Variants in FCRL2 observed in about 807,000 individuals in gnomAD.
The protein encoded by FCRL2 is Fc receptor-like protein 2.
FCRL2 carries 48 observed loss-of-function variants against 59.8 expected under a neutral mutation model. The ratio of observed to expected loss-of-function variants is 0.80; its 90% CI spans 0.64 to 1.02. The LOEUF (loss-of-function observed/expected upper bound fraction) is 1.02. Among genes scored for constraint, FCRL2 ranks in the 50% least tolerant of loss-of-function variants. The pLI is 0.00. For missense variants in FCRL2, 658 were observed against 597.3 expected (o/e 1.10, Z -1.06); for synonymous variants, 251 against 229.5 (o/e 1.09, Z -0.85).
Position 157,769,871 on chromosome 1 carries a change from A to G in FCRL2, c.590T>C (p.Val197Ala), listed in dbSNP as rs1649851511. The G allele has an allele frequency of 6.2e-7, 1 of 1,613,762 alleles. No individual in the cohort carries two copies. Among genetic ancestry groups the G allele is most frequent in the Non-Finnish European group, 8.5e-7 (1 of 1,179,718 alleles). ...RKQSLQSQIH[V>A]QRIPISNVSL... ...TCAGCCTCACTGATACTTGCTCTGC[A>G]CGTGAATCTGGGATTGGAGGCTCTG... The change falls in exon 4 of 12, where the codon GTG becomes GCG. Residue 197 changes from valine (V) to alanine (A), a missense_variant. Val to Ala is a moderately conservative substitution (Grantham distance 64, BLOSUM62 0). Coordinates refer to ENST00000361516, the MANE Select transcript of FCRL2 (RefSeq NM_030764.4).
At position 157,746,789 on chromosome 1, in the gene FCRL2, C is replaced by T. The variant is rs56179831; in HGVS notation, c.1489-15G>A. On this transcript the variant is annotated splice_polypyrimidine_tract_variant and intron_variant, in intron 11 of 11. Transcript: ENST00000361516. ...ACTTGGGAGTCCTGGGAGAGACACA[C>T]AGGAATAAAGACTGAGGTGATCAAG... The T allele has an allele frequency of 5.9e-3, 9,588 of 1,613,764 alleles. 467 individuals are homozygous for T. In the African/African-American group the frequency reaches 0.11, roughly 19 times the overall value.
At chr1:157,762,059 G>C (rs1401352792) in intron 7 of FCRL2, among the ~76,000 whole-genome samples, 2 of 152,182 alleles carry the variant, frequency 1.3e-5, no homozygotes, top group African/African-American at 2.4e-5. Context: ...AGCCCACCCA[G>C]CATGGTTTTG....
rs188023391 is a variant in FCRL2, at chr1:157,769,890, G to A, written c.571C>T (p.Leu191Phe). 8 of 1,614,104 alleles carry A rather than the reference G, an allele frequency of 5.0e-6. No individual in the cohort carries two copies. The highest frequency in any genetic ancestry group is 4.0e-5 in the African/African-American group (3 of 75,048). The stretch of plus-strand genomic sequence containing the variant: ...CTCTGCACGTGAATCTGGGATTGGA[G>A]GCTCTGTTTTCTGATCCTGTGAGTC... The part of the protein sequence containing the change: ...TVTHRIRKQS[L>F]QSQIHVQRIP... The change falls in exon 4 of 12, where the codon CTC becomes TTC. Residue 191 changes from leucine to phenylalanine, a missense_variant. Leu to Phe is a conservative substitution (Grantham distance 22). Transcript: ENST00000361516.
intron 7 of FCRL2, among the ~76,000 whole-genome samples, chr1:157,751,915 C>T (rs1648219735): frequency 2.0e-5 from 3 of 152,174 alleles, no homozygotes; most frequent in African/African-American, 7.2e-5. Context: ...GGAGAGTCAG[C>T]TTTTTCAGAG....
chr1:157,776,537 AGGATTACAG>A (rs1357730849), intron 1 of FCRL2, among the ~76,000 whole-genome samples: 1 of 152,112 alleles, frequency 6.6e-6, no homozygotes, highest in African/African-American at 2.4e-5. Flanking sequence ...CCAAAGTGCT[AGGATTACAG>A]GTATGAGCCA....
chr1:157,760,747 GAAAGAAAGAAGA>G (rs890841586), intron 7 of FCRL2, among the ~76,000 whole-genome samples: 1 of 145,798 alleles, frequency 6.9e-6, no homozygotes, highest in Non-Finnish European at 1.5e-5. Context: ...AAGAAAGAAA[GAAAGAAAGAAGA>G]AAGAATGAAA....
Position 157,770,039 on chromosome 1 carries a change from A to G in FCRL2, c.422T>C (p.Leu141Pro). 10 of 1,614,194 alleles carry G rather than the reference A, an allele frequency of 6.2e-6. No homozygotes were observed. The highest frequency in any genetic ancestry group is 8.5e-6 in the Non-Finnish European group (10 of 1,180,034). The change falls in exon 4 of 12, where the codon CTC becomes CCC. Residue 141 changes from leucine (L) to proline (P), a missense_variant. Transcript: ENST00000361516. ...RLSPQRLDVQ[L>P]QFCFFRENQV... is the part of the protein sequence containing the mutation. ...GTTTTCTCTGAAGAAGCAGAACTGG[A>G]GTTGAACATCCAACCTCTGTGGAGA... is the stretch of plus-strand genomic sequence containing the variant.
Position 157,767,431 on chromosome 1 carries a change from C to G in FCRL2, c.962G>C (p.Cys321Ser). ...TGGGGGAGAGCCTCTCAGGGCCTCA[C>G]AGTGAAGCTCCAGCAGGTCCCCCAC... ...AAVGDLLELH[C>S]EALRGSPPIL... The change falls in exon 6 of 12, where the codon TGT (cysteine) becomes TCT (serine). Residue 321 changes from cysteine to serine, a missense_variant. Transcript: ENST00000361516. 2 of 1,614,106 alleles carry G rather than the reference C, an allele frequency of 1.2e-6. 1 individual carries two copies. Among genetic ancestry groups the G allele is most frequent in the Non-Finnish European group, 1.7e-6 (2 of 1,180,040 alleles).
chr1:157,776,416 C>A (rs1650416940), intron 1 of FCRL2, among the ~76,000 whole-genome samples: 1 of 152,106 alleles, frequency 6.6e-6, no homozygotes, highest in African/African-American at 2.4e-5. Context: ...ATTACAGGTG[C>A]CCACCACCAC....
At chr1:157,749,743 G>T in intron 7 of FCRL2, 66 bp from the exon 8 acceptor site, 1 of 1,286,128 alleles carries the variant, frequency 7.8e-7, no homozygotes, top group South Asian at 1.3e-5. Context: ...ATTTTGACAT[G>T]ATTTAACTAC....
At chr1:157,754,737 T>C (rs947859915) in intron 7 of FCRL2, among the ~76,000 whole-genome samples, 1 of 151,944 alleles carries the variant, frequency 6.6e-6, no homozygotes, top group Non-Finnish European at 1.5e-5. Flanking sequence ...AGGCCAAGAC[T>C]GGTAGATCAC....
intron 7 of FCRL2, among the ~76,000 whole-genome samples, chr1:157,754,915 G>A (rs1385378788): frequency 2.6e-5 from 4 of 151,564 alleles, no homozygotes; most frequent in South Asian, 2.1e-4. Flanking sequence ...GCAGTGATCC[G>A]AGATTGCACC....
chr1:157,767,754 T>C, intron 5 of FCRL2: 1 of 1,449,426 alleles, frequency 6.9e-7, no homozygotes, highest in Non-Finnish European at 9.2e-7. Flanking sequence ...ATTGTTTTCC[T>C]GTGCCCATCC....
At chr1:157,753,331 T>G (rs1648338397) in intron 7 of FCRL2, among the ~76,000 whole-genome samples, 1 of 152,200 alleles carries the variant, frequency 6.6e-6, no homozygotes, top group South Asian at 2.1e-4. Context: ...GGGCCTCATA[T>G]CTTTCTGACC....
chr1:157,764,815 C>T (rs1571278661), intron 7 of FCRL2, among the ~76,000 whole-genome samples: 1 of 152,104 alleles, frequency 6.6e-6, no homozygotes, highest in Non-Finnish European at 1.5e-5. Flanking sequence ...TGGGATACAG[C>T]AAAGTAGTGC....
At chr1:157,757,758 C>T (rs902058768) in intron 7 of FCRL2, among the ~76,000 whole-genome samples, 13 of 152,142 alleles carry the variant, frequency 8.5e-5, no homozygotes, top group Admixed American at 3.3e-4. Flanking sequence ...GTCAGGAGAT[C>T]GAGACCATCC....
chr1:157,748,429 T>C, intron 10 of FCRL2, 124 bp downstream of exon 10: 1 of 386,466 alleles, frequency 2.6e-6, no homozygotes, highest in Non-Finnish European at 4.0e-6. Context: ...CAAAAGTAGA[T>C]AGATAGATAG....
At chr1:157,776,954 C>G in intron 1 of FCRL2, 89 bp downstream of exon 1, 1 of 1,292,696 alleles carries the variant, frequency 7.7e-7, no homozygotes, top group Non-Finnish European at 1.1e-6. Flanking sequence ...CCCACCAGTC[C>G]CTGGGCTCCA....
intron 7 of FCRL2, among the ~76,000 whole-genome samples, chr1:157,763,745 A>T (rs1649277481): frequency 6.6e-6 from 1 of 151,322 alleles, no homozygotes; most frequent in Non-Finnish European, 1.5e-5. Flanking sequence ...AGTCAAAAAC[A>T]GCAGGCTGGG....
Sources: gnomAD v4.1 joint callset for allele counts (sites outside exome capture counted in the v4.1 genomes callset) on GRCh38, gnomAD v4.1.1 for gene constraint, MANE v1.5 for transcripts, NCBI Gene and HGNC (gene_info 2026-07-23, HGNC 2026-07-21) for gene names.